Variants in ZNF718 observed in about 807,000 individuals in gnomAD.
The protein encoded by ZNF718 is zinc finger protein 718.
A neutral mutation model predicts 2.6 loss-of-function variants in ZNF718; 3 were observed. That is an observed-to-expected ratio of 1.16 (90% confidence interval 0.53 to 3.01). ZNF718 has a LOEUF of 3.01. Ranked by LOEUF, ZNF718 falls within the 30% of genes most tolerant of loss-of-function variation. The probability of loss-of-function intolerance (pLI) is 0.03; values close to 1 mark genes in which losing one functional copy is unlikely to be tolerated. For synonymous variants in ZNF718, 135 were observed against 77.9 expected, an observed-to-expected ratio of 1.73 and a Z score of -3.86; for missense variants, 468 against 230.0, an observed-to-expected ratio of 2.03 and a Z score of -6.69.
intron 3 of ZNF718, among the ~76,000 whole-genome samples, chr4:148,261 G>T (rs1323604866): frequency 6.6e-6 from 1 of 152,056 alleles, no homozygotes; most frequent in Non-Finnish European, 1.5e-5. Context: ...AGGAAAAACT[G>T]CCCCTGGACT....
chr4:169,678 G>C (rs1717176081), intron 3 of ZNF718, among the ~76,000 whole-genome samples: 1 of 152,114 alleles, frequency 6.6e-6, no homozygotes, highest in Non-Finnish European at 1.5e-5. Flanking sequence ...TTCAACCCCT[G>C]CCTTTTTTTG....
rs538381264 is a variant in ZNF718, at chr4:126,010, A to G, written c.3+1337A>G. ...GCCTTTATGGACTCAGGAATCAGTCAGTGCGTAGCCCTGCCTGGGCCTGTA... is the reference window on the plus strand; with the variant it reads ...GCCTTTATGGACTCAGGAATCAGTCGGTGCGTAGCCCTGCCTGGGCCTGTA... On this transcript the variant is annotated intron_variant, in intron 1 of 3. Coordinates refer to ENST00000510175, the MANE Select transcript of ZNF718 (RefSeq NM_001039127.6). Among the ~76,000 whole-genome samples the G allele has an allele frequency of 4.0e-3, 605 of 152,352 alleles. 2 individuals are homozygous for G. The highest frequency in any genetic ancestry group is 8.2e-3 in the Admixed American group (125 of 15,302).
downstream of ZNF718, among the ~76,000 whole-genome samples, chr4:168,875 T>C (rs1553817448): frequency 2.0e-5 from 3 of 152,212 alleles, no homozygotes; most frequent in Non-Finnish European, 2.9e-5. Flanking sequence ...TGATCTTAGT[T>C]ATTTCTTGCC....
intron 3 of ZNF718, among the ~76,000 whole-genome samples, chr4:157,157 C>T (rs1224803614): frequency 4.8e-5 from 6 of 125,824 alleles, no homozygotes; most frequent in Non-Finnish European, 7.8e-5. Flanking sequence ...TTGTTGCCCA[C>T]GCTGGAGTGC....
At chr4:179,508 C>CT (rs1717423548) in intron 3 of ZNF718, among the ~76,000 whole-genome samples, 1 of 152,106 alleles carries the variant, frequency 6.6e-6, no homozygotes. Context: ...AGTCTCCTGA[C>CT]TGAGAAATGT....
At position 162,127 on chromosome 4, in the gene ZNF718, G is replaced by A. The variant is rs1553815661; in HGVS notation, c.*5G>A. 3 of 719,182 alleles carry A rather than the reference G, an allele frequency of 4.2e-6. No homozygotes were observed. Among genetic ancestry groups the A allele is most frequent in the East Asian group, 4.9e-5 (2 of 40,644 alleles). 44.6% of individuals were successfully genotyped at this position (719,182 alleles called of 1,614,324 possible). A position where few individuals can be genotyped will look rare whatever the true frequency, so the allele number is the denominator to read the frequency against. On this transcript the variant is annotated 3_prime_UTR_variant, in exon 4 of 4. Coordinates refer to ENST00000510175, the MANE Select transcript of ZNF718 (RefSeq NM_001039127.6). ...CATACTGGAGGAAAATTTTAGAAATGTGAAGAATGTGGGAGCCTTTAAGTC... is the reference window on the plus strand; with the variant it reads ...CATACTGGAGGAAAATTTTAGAAATATGAAGAATGTGGGAGCCTTTAAGTC...
rs1453750611 is a variant in ZNF718, at chr4:129,566, G to A, written c.4-1222G>A. The stretch of plus-strand genomic sequence containing the variant: ...ATGAGGAAAAGCAATATACTTTTGT[G>A]CCTTAAATTCTTTTTTATAAAATTA... On this transcript the variant is annotated intron_variant, in intron 1 of 3. Coordinates refer to ENST00000510175, the MANE Select transcript of ZNF718 (RefSeq NM_001039127.6). 1.9e-5 allele frequency among the ~76,000 whole-genome samples: 2 copies of A among 104,498 alleles called. 1 individual carries two copies. Among genetic ancestry groups the A allele is most frequent in the Non-Finnish European group, 4.3e-5 (2 of 46,808 alleles). 68.6% of individuals were successfully genotyped at this position (104,498 alleles called of 152,430 possible).
intron 3 of ZNF718, among the ~76,000 whole-genome samples, chr4:159,167 G>T (rs573718055): frequency 7.9e-5 from 12 of 151,610 alleles, no homozygotes; most frequent in African/African-American, 2.7e-4. Context: ...CTCCCGAGTA[G>T]CTGGGACTAC....
chr4:166,620 ATG>A (rs1431478773), downstream of ZNF718, among the ~76,000 whole-genome samples: 2 of 152,100 alleles, frequency 1.3e-5, no homozygotes, highest in Non-Finnish European at 2.9e-5. Flanking sequence ...GCATTTTTTC[ATG>A]TGTCTCTTGG....
At chr4:151,036 T>C (rs980433735) in intron 3 of ZNF718, among the ~76,000 whole-genome samples, 11 of 152,188 alleles carry the variant, frequency 7.2e-5, no homozygotes, top group Non-Finnish European at 1.3e-4. Flanking sequence ...ACTTACAATT[T>C]TACAACTGTA....
At chr4:124,875 G>C in intron 1 of ZNF718, 2 of 603,008 alleles carry the variant, frequency 3.3e-6, no homozygotes, top group South Asian at 3.8e-5. Flanking sequence ...GCAGCTCTGC[G>C]CCGGTAGCCC....
downstream of ZNF718, among the ~76,000 whole-genome samples, chr4:166,809 C>T (rs571844392): frequency 2.0e-5 from 3 of 152,066 alleles, no homozygotes; most frequent in African/African-American, 4.8e-5. Context: ...GTTGCCTGTT[C>T]ACTCTGATGG....
chr4:170,538 T>C (rs1429023052), intron 3 of ZNF718, among the ~76,000 whole-genome samples: 3 of 146,986 alleles, frequency 2.0e-5, no homozygotes, highest in Non-Finnish European at 4.4e-5. Flanking sequence ...TTGGAGGCTT[T>C]GTTTGTTTCT....
At chr4:158,577 T>C (rs537759771) in intron 3 of ZNF718, among the ~76,000 whole-genome samples, 9 of 152,018 alleles carry the variant, frequency 5.9e-5, no homozygotes, top group Admixed American at 6.5e-5. Context: ...TAAAATAATA[T>C]ATTTTAAACT....
chr4:194,090 C>T lies in ZNF718; in HGVS notation c.227-6991C>T, dbSNP rs191866697. ...TCCCATTTATCCCATTCTGCCTGCTCCTCTTGATCTCTATTATAAAAAACC... is the reference window on the plus strand; with the variant it reads ...TCCCATTTATCCCATTCTGCCTGCTTCTCTTGATCTCTATTATAAAAAACC... On this transcript the variant is annotated intron_variant and NMD_transcript_variant, in intron 3 of 4. Transcript: ENST00000642529. 5.9e-5 allele frequency among the ~76,000 whole-genome samples: 9 copies of T among 152,234 alleles called. No individual in the cohort carries two copies. In the South Asian group the frequency reaches 8.3e-4, roughly 14 times the overall value.
In ZNF718 at chr4:131,402, TA is replaced by T; in HGVS notation, c.131-4del. The stretch of plus-strand genomic sequence containing the variant: ...ATAGTCATGTTAATTTTTTTTTTAA[TA>T]AAACAGGTGTTAGTATCTCTAACCC... On this transcript the variant is annotated splice_polypyrimidine_tract_variant and splice_region_variant and intron_variant, in intron 2 of 3. Transcript: ENST00000510175. 2 of 434,008 alleles carry T rather than the reference TA, an allele frequency of 4.6e-6. No homozygotes were observed. The highest frequency in any genetic ancestry group is 5.2e-5 in the Admixed American group (1 of 19,124). The allele number at this position is 434,008 out of a possible 1,614,324, so 26.9% of individuals were successfully genotyped here.
At chr4:186,835 A>C (rs140223147) in intron 3 of ZNF718, among the ~76,000 whole-genome samples, 2 of 152,120 alleles carry the variant, frequency 1.3e-5, no homozygotes, top group East Asian at 3.9e-4. Context: ...TTCTTAGCTC[A>C]CTGGGTTACA....
chr4:193,783 C>A (rs1717739786), intron 3 of ZNF718, among the ~76,000 whole-genome samples: 1 of 152,100 alleles, frequency 6.6e-6, no homozygotes, highest in African/African-American at 2.4e-5. Context: ...CTGGCACTTG[C>A]CCCAGGCACC....
At chr4:131,842 G>A (rs1273867791) in intron 3 of ZNF718, among the ~76,000 whole-genome samples, 5 of 92,690 alleles carry the variant, frequency 5.4e-5, no homozygotes, top group Non-Finnish European at 1.2e-4. Flanking sequence ...TCAGGAGATC[G>A]AGACCATCCT....
Sources: allele counts gnomAD v4.1 joint callset (sites outside exome capture counted in the v4.1 genomes callset), GRCh38; gene constraint gnomAD v4.1.1; transcripts MANE v1.5; gene names NCBI Gene and HGNC (gene_info 2026-07-23, HGNC 2026-07-21).